WLS: variants seen among roughly 807,000 people sequenced by gnomAD.
The protein encoded by WLS is protein wntless homolog.
A neutral mutation model predicts 62.8 loss-of-function variants in WLS; 23 were observed. The ratio of observed to expected loss-of-function variants is 0.37; its 90% confidence interval spans 0.26 to 0.52. WLS has a LOEUF of 0.52. Among genes scored for constraint, WLS ranks in the 20% least tolerant of loss-of-function variants. The pLI is 0.92. For synonymous variants in WLS, 246 were observed against 244.1 expected (o/e 1.01, Z -0.07); for missense variants, 615 against 697.3 (o/e 0.88, Z 1.33).
At chr1:68,145,757 C>T (rs1646744553) in intron 9 of WLS, 112 bp downstream of exon 9, 2 of 1,499,638 alleles carry the variant, frequency 1.3e-6, no homozygotes, top group Non-Finnish European at 1.8e-6. Context: ...GAGAATCTCT[C>T]AATTTGTATT....
chr1:68,117,537 G>C (rs1328167528), intron 11 of WLS: 26 of 152,302 alleles, frequency 1.7e-4, no homozygotes, highest in Admixed American at 1.7e-3. Context: ...CTGTGGCACA[G>C]AGGAGCAGAC....
At chr1:68,217,464 C>T (rs1175323732) in intron 1 of WLS, among the ~76,000 whole-genome samples, 1 of 152,130 alleles carries the variant, frequency 6.6e-6, no homozygotes, top group Non-Finnish European at 1.5e-5. Context: ...GAGGACAGAG[C>T]AAGCTTTCAC....
At chr1:68,149,064 C>G (rs912566207) in intron 6 of WLS, among the ~76,000 whole-genome samples, 2 of 152,148 alleles carry the variant, frequency 1.3e-5, no homozygotes, top group Admixed American at 1.3e-4. Flanking sequence ...GACATTAAAG[C>G]ATTTAAATAT....
rs144575672 is a variant in WLS, at chr1:68,190,237, A to G, written c.379+3718T>C. Among the ~76,000 whole-genome samples the G allele has an allele frequency of 6.8e-3, 1,034 of 152,252 alleles. 9 individuals are homozygous for G. Among genetic ancestry groups the G allele is most frequent in the Non-Finnish European group, 0.01 (695 of 68,016 alleles). On this transcript the variant is annotated intron_variant, in intron 2 of 11. Transcript: ENST00000262348. Reference sequence around the variant, plus strand: ...ACTCCTAAGTCCATGCTCTTAAAAAACTTTCTATCTTACCCCCTAATCTAG... The same window carrying G: ...ACTCCTAAGTCCATGCTCTTAAAAAGCTTTCTATCTTACCCCCTAATCTAG...
chr1:68,215,147 T>C (rs1048599763), intron 1 of WLS, among the ~76,000 whole-genome samples: 1 of 152,122 alleles, frequency 6.6e-6, no homozygotes, highest in African/African-American at 2.4e-5. Flanking sequence ...ACAAAGGAGA[T>C]TCAGGCAGAT....
chr1:68,131,062 T>TTGTGTGTG (rs6143260), intron 11 of WLS, among the ~76,000 whole-genome samples: 76,178 of 145,812 alleles, frequency 0.52, 20,526 homozygotes, highest in Non-Finnish European at 0.6. Flanking sequence ...CCAGCTAATT[T>TTGTGTGTG]TGTGTGTGTG....
chr1:68,112,073 G>C (rs1396349258), intron 11 of WLS, among the ~76,000 whole-genome samples: 1 of 152,248 alleles, frequency 6.6e-6, no homozygotes, highest in Non-Finnish European at 1.5e-5. Context: ...GCCACAAGGA[G>C]AAAACATTCG....
intron 2 of WLS, among the ~76,000 whole-genome samples, chr1:68,174,524 T>C (rs185258945): frequency 6.6e-6 from 1 of 152,092 alleles, no homozygotes; most frequent in African/African-American, 2.4e-5. Context: ...AGCATATGTG[T>C]GTGTGAGAGA....
chr1:68,175,950 T>C (rs1242504581), intron 2 of WLS, among the ~76,000 whole-genome samples: 1 of 152,220 alleles, frequency 6.6e-6, no homozygotes, highest in African/African-American at 2.4e-5. Flanking sequence ...AGGGATCCCG[T>C]CTGTTTCACA....
At chr1:68,110,688 T>TCTCTCTCTCTCTCTCTCTCTCC (rs1390457595) in intron 11 of WLS, among the ~76,000 whole-genome samples, 4 of 150,070 alleles carry the variant, frequency 2.7e-5, no homozygotes, top group African/African-American at 9.8e-5. Flanking sequence ...TCTCTCTCTC[T>TCTCTCTCTCTCTCTCTCTCTCC]CTCCATATAT....
chr1:68,214,371 T>C (rs1571024601), intron 1 of WLS, among the ~76,000 whole-genome samples: 1 of 45,630 alleles, frequency 2.2e-5, no homozygotes, highest in East Asian at 2.3e-4. Flanking sequence ...AACTTACTCC[T>C]TTTTTTTTTT....
At chr1:68,221,383 T>C (rs1649935647) in intron 1 of WLS, among the ~76,000 whole-genome samples, 1 of 152,186 alleles carries the variant, frequency 6.6e-6, no homozygotes, top group African/African-American at 2.4e-5. Context: ...CAAGGCCCAA[T>C]GTGCAGTCTT....
At chr1:68,173,616 G>T (rs1647187237) in intron 2 of WLS, among the ~76,000 whole-genome samples, 1 of 152,148 alleles carries the variant, frequency 6.6e-6, no homozygotes, top group Non-Finnish European at 1.5e-5. Flanking sequence ...AAAACACACA[G>T]GTCAGTTCTT....
intron 11 of WLS, among the ~76,000 whole-genome samples, chr1:68,114,056 C>T (rs1646260288): frequency 6.6e-6 from 1 of 152,220 alleles, no homozygotes; most frequent in Non-Finnish European, 1.5e-5. Flanking sequence ...CCTTGAGAAA[C>T]CAGTAGTGGA....
At chr1:68,135,286 T>G (rs1158778867) in intron 11 of WLS, among the ~76,000 whole-genome samples, 3 of 146,960 alleles carry the variant, frequency 2.0e-5, no homozygotes, top group Non-Finnish European at 3.0e-5. Context: ...GGACTACAGG[T>G]GCACACCACC....
intron 5 of WLS, among the ~76,000 whole-genome samples, chr1:68,151,820 A>T (rs1026007897): frequency 1.3e-5 from 2 of 152,132 alleles, no homozygotes; most frequent in African/African-American, 4.8e-5. Flanking sequence ...GGAGATGAAA[A>T]GCCAGTGGAG....
At chr1:68,138,382 A>G (rs1334774129) in intron 10 of WLS, 1 of 157,566 alleles carries the variant, frequency 6.3e-6, no homozygotes, top group East Asian at 1.9e-4. Flanking sequence ...ATTCAAATCC[A>G]GTGTCTACCA....
exon 12 of WLS, chr1:68,098,592 T>G: frequency 6.2e-7 from 1 of 1,608,920 alleles, no homozygotes; most frequent in Non-Finnish European, 8.5e-7. Flanking sequence ...CTGTGACAAC[T>G]GCAAATGCAA....
At chr1:68,209,401 T>C (rs951471940) in intron 1 of WLS, among the ~76,000 whole-genome samples, 2 of 152,258 alleles carry the variant, frequency 1.3e-5, no homozygotes, top group Admixed American at 6.5e-5. Context: ...TTAGAAATTA[T>C]AATAATGGCT....
Sources: gnomAD v4.1 joint callset for allele counts (sites outside exome capture counted in the v4.1 genomes callset) on GRCh38, gnomAD v4.1.1 for gene constraint, MANE v1.5 for transcripts, NCBI Gene and HGNC (gene_info 2026-07-23, HGNC 2026-07-21) for gene names.